The following ROBO2 variants were observed in gnomAD, a reference collection of about 807,000 sequenced individuals.
ROBO2 encodes the protein roundabout homolog 2.
A neutral mutation model predicts 160.8 loss-of-function variants in ROBO2; 53 were observed. The observed-to-expected ratio is 0.33, with a 90% CI of 0.26 to 0.41. The LOEUF (loss-of-function observed/expected upper bound fraction) is 0.41, where lower values mean the gene tolerates loss of function less well. Among genes scored for constraint, ROBO2 ranks in the 10% least tolerant of loss-of-function variants. The pLI, the probability that ROBO2 is intolerant of heterozygous loss-of-function variation, is 1.00. For synonymous variants in ROBO2, 664 were observed against 611.7 expected, an observed-to-expected ratio of 1.09 and a Z score of -1.26; for missense variants, 1,577 against 1,722.4, an observed-to-expected ratio of 0.92 and a Z score of 1.49.
At chr3:77,474,247 G>C (rs2083706621) in intron 2 of ROBO2, among the ~76,000 whole-genome samples, 1 of 152,138 alleles carries the variant, frequency 6.6e-6, no homozygotes, top group Non-Finnish European at 1.5e-5. Context: ...TTTCCCCTAA[G>C]AAACGGAGTA....
chr3:76,980,884 T>C (rs1385353687), intron 2 of ROBO2, among the ~76,000 whole-genome samples: 1 of 152,216 alleles, frequency 6.6e-6, no homozygotes, highest in African/African-American at 2.4e-5. Context: ...CTACATTTTC[T>C]ACATATAAAT....
At chr3:76,864,849 TA>T (rs539745548) in intron 2 of ROBO2, among the ~76,000 whole-genome samples, 29 of 152,140 alleles carry the variant, frequency 1.9e-4, no homozygotes, top group Non-Finnish European at 2.2e-4. Context: ...AAAAGTTAGC[TA>T]AATAGATTTG....
At chr3:76,137,405 C>T (rs1049097777) in intron 2 of ROBO2, among the ~76,000 whole-genome samples, 23 of 152,024 alleles carry the variant, frequency 1.5e-4, no homozygotes, top group African/African-American at 5.5e-4. Context: ...TGTTCTCATA[C>T]AGTTGTGGAC....
chr3:76,957,704 G>T (rs1433803663), intron 2 of ROBO2, among the ~76,000 whole-genome samples: 1 of 151,784 alleles, frequency 6.6e-6, no homozygotes, highest in Non-Finnish European at 1.5e-5. Flanking sequence ...GGTGGCACGT[G>T]TCTGTAATCC....
chr3:77,438,785 T>G (rs1473779342), intron 2 of ROBO2, among the ~76,000 whole-genome samples: 1 of 152,080 alleles, frequency 6.6e-6, no homozygotes, highest in Non-Finnish European at 1.5e-5. Flanking sequence ...CAGATCCCTG[T>G]GCTAAACTGT....
At chr3:76,156,305 A>T (rs1210739698) in intron 2 of ROBO2, among the ~76,000 whole-genome samples, 2 of 152,174 alleles carry the variant, frequency 1.3e-5, no homozygotes, top group Admixed American at 6.6e-5. Context: ...TGACAGAAAA[A>T]AAAAGCATTT....
intron 2 of ROBO2, among the ~76,000 whole-genome samples, chr3:76,071,396 T>A (rs887198970): frequency 6.6e-6 from 1 of 152,184 alleles, no homozygotes; most frequent in Non-Finnish European, 1.5e-5. Flanking sequence ...ATAAAAGCTA[T>A]TATCTCATCA....
chr3:76,332,233 G>A (rs930125402), intron 2 of ROBO2, among the ~76,000 whole-genome samples: 1 of 152,124 alleles, frequency 6.6e-6, no homozygotes, highest in Non-Finnish European at 1.5e-5. Context: ...AGGGATCATG[G>A]TTTCAGTTAG....
At chr3:75,971,231 T>G (rs2064982393) in intron 2 of ROBO2, among the ~76,000 whole-genome samples, 1 of 151,454 alleles carries the variant, frequency 6.6e-6, no homozygotes, top group Admixed American at 6.6e-5. Flanking sequence ...ATCATGTTCT[T>G]TGTACCATGA....
At chr3:77,216,662 G>A (rs371033388) in intron 2 of ROBO2, among the ~76,000 whole-genome samples, 24 of 152,260 alleles carry the variant, frequency 1.6e-4, no homozygotes, top group African/African-American at 4.1e-4. Context: ...CGTCTTCTGC[G>A]TCACTCATGC....
At chr3:76,389,367 G>C (rs1213547351) in intron 2 of ROBO2, among the ~76,000 whole-genome samples, 1 of 152,184 alleles carries the variant, frequency 6.6e-6, no homozygotes, top group Non-Finnish European at 1.5e-5. Context: ...TACAGACTAT[G>C]TTAAGAAAAT....
At chr3:76,722,008 T>C (rs1048754867) in intron 2 of ROBO2, among the ~76,000 whole-genome samples, 1 of 152,128 alleles carries the variant, frequency 6.6e-6, no homozygotes, top group African/African-American at 2.4e-5. Flanking sequence ...AAGACTTAGG[T>C]GGGACTTCTA....
intron 2 of ROBO2, among the ~76,000 whole-genome samples, chr3:77,190,540 T>C (rs1287103437): frequency 6.6e-6 from 1 of 152,014 alleles, no homozygotes; most frequent in Admixed American, 6.6e-5. Context: ...TGTAACTTTT[T>C]TTACGAGAAA....
At chr3:76,468,359 T>G (rs577309299) in intron 2 of ROBO2, among the ~76,000 whole-genome samples, 14 of 152,240 alleles carry the variant, frequency 9.2e-5, no homozygotes, top group African/African-American at 3.4e-4. Flanking sequence ...CTCCTGTTTA[T>G]TCGTTGCCTC....
intron 2 of ROBO2, among the ~76,000 whole-genome samples, chr3:76,464,231 G>A (rs927523176): frequency 6.6e-6 from 1 of 152,112 alleles, no homozygotes; most frequent in Non-Finnish European, 1.5e-5. Flanking sequence ...ATATCTACAG[G>A]TTACTGATGT....
intron 2 of ROBO2, among the ~76,000 whole-genome samples, chr3:76,351,222 A>G (rs1015160619): frequency 6.6e-6 from 1 of 151,992 alleles, no homozygotes; most frequent in Non-Finnish European, 1.5e-5. Flanking sequence ...TAATCATGTA[A>G]TACATCCCTA....
intron 2 of ROBO2, among the ~76,000 whole-genome samples, chr3:76,639,483 C>G (rs943714941): frequency 6.6e-6 from 1 of 151,956 alleles, no homozygotes; most frequent in Non-Finnish European, 1.5e-5. Flanking sequence ...CACACACACA[C>G]ACACACATAT....
chr3:77,587,937 A>C (rs778737417), intron 16 of ROBO2, among the ~76,000 whole-genome samples: 3 of 152,116 alleles, frequency 2.0e-5, no homozygotes, highest in African/African-American at 4.8e-5. Flanking sequence ...TTTAAGACCT[A>C]TTTAAAATGT....
chr3:76,958,675 A>G (rs1309860505), intron 2 of ROBO2, among the ~76,000 whole-genome samples: 3 of 152,192 alleles, frequency 2.0e-5, no homozygotes, highest in African/African-American at 7.2e-5. Context: ...ATGATTTTTA[A>G]AGCTGTGTTT....
Sources: gnomAD v4.1 joint callset for allele counts (sites outside exome capture counted in the v4.1 genomes callset) on GRCh38, gnomAD v4.1.1 for gene constraint, MANE v1.5 for transcripts, NCBI Gene and HGNC (gene_info 2026-07-23, HGNC 2026-07-21) for gene names.